Variants in RNLS observed in about 807,000 individuals in gnomAD.
The protein encoded by RNLS is renalase, FAD dependent amine oxidase.
A neutral mutation model predicts 39.8 loss-of-function variants in RNLS; 39 were observed. That is an observed-to-expected ratio of 0.98 (90% CI 0.76 to 1.28). The LOEUF is 1.28. Ranked by LOEUF, RNLS falls within the 50% of genes most tolerant of loss-of-function variation. The pLI is 0.00. For synonymous variants in RNLS, 147 were observed against 150.7 expected (o/e 0.98, Z 0.18); for missense variants, 410 against 413.3 (o/e 0.99, Z 0.07).
intron 4 of RNLS, among the ~76,000 whole-genome samples, chr10:88,425,630 T>C (rs976090743): frequency 6.6e-6 from 1 of 152,112 alleles, no homozygotes; most frequent in African/African-American, 2.4e-5. Flanking sequence ...GACATGATCA[T>C]TGCTCTCAAG....
At chr10:88,558,794 A>G (rs1321539227) in intron 4 of RNLS, among the ~76,000 whole-genome samples, 1 of 152,214 alleles carries the variant, frequency 6.6e-6, no homozygotes, top group African/African-American at 2.4e-5. Context: ...CAAGAACATG[A>G]TAAAATATCA....
chr10:88,347,815 C>A (rs1463772991), intron 5 of RNLS, among the ~76,000 whole-genome samples: 1 of 152,052 alleles, frequency 6.6e-6, no homozygotes, highest in Non-Finnish European at 1.5e-5. Flanking sequence ...TCCCCCATTG[C>A]CTCAGGATAT....
intron 4 of RNLS, among the ~76,000 whole-genome samples, chr10:88,387,069 A>G (rs1376930651): frequency 1.3e-5 from 2 of 152,190 alleles, no homozygotes; most frequent in African/African-American, 2.4e-5. Context: ...CTGCTAAAAC[A>G]TTTGCTTCAA....
intron 5 of RNLS, among the ~76,000 whole-genome samples, chr10:88,327,876 T>A (rs906172063): frequency 2.0e-5 from 3 of 152,184 alleles, no homozygotes; most frequent in African/African-American, 7.2e-5. Context: ...GTGCTAGGAT[T>A]ATAGGCGTGA....
At chr10:88,233,017 C>T in the RNLS span, among the ~76,000 whole-genome samples, 1 of 152,270 alleles carries the variant, frequency 6.6e-6, no homozygotes, top group East Asian at 1.9e-4. Flanking sequence ...AAACGGAGGC[C>T]CAGAGAGGTT....
chr10:88,327,047 C>T (rs558753043), intron 5 of RNLS, among the ~76,000 whole-genome samples: 1 of 152,134 alleles, frequency 6.6e-6, no homozygotes, highest in Non-Finnish European at 1.5e-5. Context: ...ATGCCTATAC[C>T]CCCATTGTAT....
At chr10:88,304,610 T>C (rs532989647) in intron 6 of RNLS, among the ~76,000 whole-genome samples, 13 of 152,080 alleles carry the variant, frequency 8.5e-5, no homozygotes, top group Non-Finnish European at 1.8e-4. Context: ...AAGACTGGCT[T>C]TCTGAAATAA....
At chr10:88,408,260 C>A (rs1249613315) in intron 4 of RNLS, among the ~76,000 whole-genome samples, 1 of 151,760 alleles carries the variant, frequency 6.6e-6, no homozygotes, top group African/African-American at 2.4e-5. Flanking sequence ...TTTGTTTCCT[C>A]TATAAGCATT....
chr10:88,376,215 G>A (rs1850984537), intron 4 of RNLS, among the ~76,000 whole-genome samples: 1 of 152,090 alleles, frequency 6.6e-6, no homozygotes. Context: ...GGAAGCCTCT[G>A]CCGGCATCCA....
Position 88,542,816 on chromosome 10 carries a change from G to A in RNLS, c.526+30087C>T, listed in dbSNP as rs74147215. Reference sequence around the variant, plus strand: ...TAAAGCACTTGGAAGCCTTCCCTCCGAGTTTTACAAGAAATAAGATAAGCA... The same window carrying A: ...TAAAGCACTTGGAAGCCTTCCCTCCAAGTTTTACAAGAAATAAGATAAGCA... On this transcript the variant is annotated intron_variant, in intron 4 of 6. Transcript: ENST00000331772. 3.9e-3 allele frequency among the ~76,000 whole-genome samples: 593 copies of A among 152,126 alleles called. 6 individuals are homozygous for A. The highest frequency in any genetic ancestry group is 0.013 in the African/African-American group (532 of 41,498).
chr10:88,249,431 A>AC, the RNLS span, among the ~76,000 whole-genome samples: 26 of 152,258 alleles, frequency 1.7e-4, no homozygotes, highest in Admixed American at 3.9e-4. Flanking sequence ...GTAACAAATT[A>AC]CCCCAAAACT....
At chr10:88,337,642 G>T (rs1847602302) in intron 5 of RNLS, among the ~76,000 whole-genome samples, 1 of 152,218 alleles carries the variant, frequency 6.6e-6, no homozygotes, top group Admixed American at 6.5e-5. Flanking sequence ...CAATGCAGCA[G>T]AAAGTAGAGT....
the RNLS span, among the ~76,000 whole-genome samples, chr10:88,238,804 G>C: frequency 6.6e-6 from 1 of 152,206 alleles, no homozygotes; most frequent in African/African-American, 2.4e-5. Flanking sequence ...AAAGCTCTGA[G>C]ATTGCAGAGG....
chr10:88,266,746 A>C, the RNLS span, among the ~76,000 whole-genome samples: 3 of 149,462 alleles, frequency 2.0e-5, no homozygotes, highest in Admixed American at 6.7e-5. Context: ...CCCCACACAC[A>C]CCACAAATGC....
At chr10:88,251,616 G>A in the RNLS span, among the ~76,000 whole-genome samples, 1 of 152,100 alleles carries the variant, frequency 6.6e-6, no homozygotes, top group Non-Finnish European at 1.5e-5. Context: ...TTTGCACCAG[G>A]TAAAAATGGA....
At chr10:88,553,256 G>A (rs556030514) in intron 4 of RNLS, among the ~76,000 whole-genome samples, 1 of 152,126 alleles carries the variant, frequency 6.6e-6, no homozygotes, top group Non-Finnish European at 1.5e-5. Flanking sequence ...CAATATAAAA[G>A]AAAAATATAA....
intron 4 of RNLS, among the ~76,000 whole-genome samples, chr10:88,543,612 A>G (rs1848154131): frequency 6.6e-6 from 1 of 152,190 alleles, no homozygotes; most frequent in Non-Finnish European, 1.5e-5. Context: ...CACAAAGACA[A>G]TTATTTAACA....
chr10:88,339,382 G>C (rs55749454), intron 5 of RNLS, among the ~76,000 whole-genome samples: 21,314 of 152,136 alleles, frequency 0.14, 1,614 homozygotes, highest in East Asian at 0.34. Flanking sequence ...TAGGTGGTGG[G>C]GAAAGAAGTA....
At chr10:88,195,347 C>G in the RNLS span, among the ~76,000 whole-genome samples, 2 of 152,204 alleles carry the variant, frequency 1.3e-5, no homozygotes, top group African/African-American at 4.8e-5. Context: ...TGTAGTGCAA[C>G]TAAAGCCACT....
Sources: gnomAD v4.1 joint callset for allele counts (sites outside exome capture counted in the v4.1 genomes callset) on GRCh38, gnomAD v4.1.1 for gene constraint, MANE v1.5 for transcripts, NCBI Gene and HGNC (gene_info 2026-07-23, HGNC 2026-07-21) for gene names.